The following PHACTR1 variants were observed in gnomAD, a reference collection of about 807,000 sequenced individuals.
PHACTR1 encodes the protein RPEL repeat containing 1.
In PHACTR1, 16 loss-of-function variants were observed where a neutral mutation model predicts 69.2. That is an observed-to-expected ratio of 0.23 (90% CI 0.16 to 0.35). PHACTR1 has a LOEUF of 0.35. Ranked by LOEUF, PHACTR1 falls within the 10% of genes least tolerant of loss-of-function variation. The pLI, the probability that PHACTR1 is intolerant of heterozygous loss-of-function variation, is 1.00. For synonymous variants in PHACTR1, 312 were observed against 284.5 expected (o/e 1.10, Z -0.97); for missense variants, 510 against 734.7 (o/e 0.69, Z 3.54).
chr6:12,803,606 A>G (rs542329142), intron 4 of PHACTR1, among the ~76,000 whole-genome samples: 65 of 152,364 alleles, frequency 4.3e-4, no homozygotes, highest in Non-Finnish European at 8.5e-4. Context: ...TTCTTACCAA[A>G]CAAAGCCACA....
At chr6:12,746,157 T>C (rs1765760962) in intron 3 of PHACTR1, among the ~76,000 whole-genome samples, 1 of 151,852 alleles carries the variant, frequency 6.6e-6, no homozygotes, top group South Asian at 2.1e-4. Context: ...AAAAAGAGAA[T>C]AGAAAAAATT....
At chr6:13,022,414 G>A (rs942419800) in intron 4 of PHACTR1, among the ~76,000 whole-genome samples, 2 of 152,198 alleles carry the variant, frequency 1.3e-5, no homozygotes, top group Non-Finnish European at 2.9e-5. Flanking sequence ...ATGTTTGTAG[G>A]TTGAGAATGT....
chr6:13,071,254 C>T (rs1039987936), intron 5 of PHACTR1, among the ~76,000 whole-genome samples: 1 of 151,956 alleles, frequency 6.6e-6, no homozygotes, highest in African/African-American at 2.4e-5. Context: ...TGGTAAAACC[C>T]CATCTCTACT....
chr6:13,003,797 G>T (rs1176625370), intron 4 of PHACTR1, among the ~76,000 whole-genome samples: 1 of 151,032 alleles, frequency 6.6e-6, no homozygotes, highest in Non-Finnish European at 1.5e-5. Context: ...CATGTCCACG[G>T]GTACCCACTG....
intron 5 of PHACTR1, among the ~76,000 whole-genome samples, chr6:13,125,874 G>A (rs1425494827): frequency 6.6e-6 from 1 of 151,930 alleles, no homozygotes; most frequent in African/African-American, 2.4e-5. Context: ...AGGCTGCAGT[G>A]AGCCATGATC....
chr6:12,853,187 T>TA (rs1779999478), intron 4 of PHACTR1, among the ~76,000 whole-genome samples: 1 of 152,154 alleles, frequency 6.6e-6, no homozygotes, highest in African/African-American at 2.4e-5. Flanking sequence ...TAAAATTGGA[T>TA]AAAAAACAAT....
At chr6:13,209,455 C>T (rs1479746353) in intron 8 of PHACTR1, among the ~76,000 whole-genome samples, 3 of 152,168 alleles carry the variant, frequency 2.0e-5, no homozygotes, top group East Asian at 3.8e-4. Context: ...TTCCTTGGAC[C>T]GACCCCCTGT....
chr6:13,052,770 T>G (rs1357951958), intron 4 of PHACTR1, among the ~76,000 whole-genome samples: 1 of 152,132 alleles, frequency 6.6e-6, no homozygotes, highest in Non-Finnish European at 1.5e-5. Context: ...TTAAGACAAT[T>G]GTAAATTCTA....
chr6:13,227,027 C>T (rs1176335249), intron 8 of PHACTR1, among the ~76,000 whole-genome samples: 4 of 151,816 alleles, frequency 2.6e-5, no homozygotes, highest in African/African-American at 9.7e-5. Flanking sequence ...TGAGCCACCA[C>T]GCCCAGCAGT....
chr6:12,933,813 C>A, intron 4 of PHACTR1: 1 of 1,612,812 alleles, frequency 6.2e-7, no homozygotes, highest in Non-Finnish European at 8.5e-7. Context: ...CAATTCTCTA[C>A]TCAGGGTATG....
intron 4 of PHACTR1, among the ~76,000 whole-genome samples, chr6:12,797,425 C>T (rs918008099): frequency 6.6e-6 from 1 of 152,204 alleles, no homozygotes; most frequent in African/African-American, 2.4e-5. Flanking sequence ...ATTGCAGTGG[C>T]TCTACCTATG....
intron 5 of PHACTR1, among the ~76,000 whole-genome samples, chr6:13,056,967 C>G (rs1408141654): frequency 6.6e-6 from 1 of 151,944 alleles, no homozygotes. Context: ...ACATGGAAGG[C>G]CAAAGTCAGG....
At chr6:13,268,726 C>T (rs1777169850) in intron 10 of PHACTR1, among the ~76,000 whole-genome samples, 1 of 152,210 alleles carries the variant, frequency 6.6e-6, no homozygotes. Context: ...TTTGTCCTTA[C>T]AATGCCACCA....
chr6:13,092,137 C>T (rs180967692), intron 5 of PHACTR1, among the ~76,000 whole-genome samples: 4 of 152,266 alleles, frequency 2.6e-5, no homozygotes, highest in Admixed American at 1.3e-4. Context: ...ACTGATCTGA[C>T]AGGAGACGGA....
At chr6:12,870,098 C>T (rs1359211021) in intron 4 of PHACTR1, among the ~76,000 whole-genome samples, 1 of 151,074 alleles carries the variant, frequency 6.6e-6, no homozygotes, top group African/African-American at 2.4e-5. Context: ...GCTGAATGAT[C>T]ACTGTGGATG....
chr6:12,976,004 G>C (rs567692920), intron 4 of PHACTR1, among the ~76,000 whole-genome samples: 1 of 152,288 alleles, frequency 6.6e-6, no homozygotes, highest in South Asian at 2.1e-4. Flanking sequence ...GGGGCGGGAG[G>C]AATGGGAAAA....
Position 13,284,808 on chromosome 6 carries a change from T to C in PHACTR1, c.1650+1246T>C, listed in dbSNP as rs573076753. On this transcript the variant is annotated intron_variant, in intron 13 of 14. Transcript: ENST00000332995. Reference sequence around the variant, plus strand: ...TGCAGGAAACATGTATGCAGGCACATTGCTGCACTTGGCTGGGACGGAAGC... The same window carrying C: ...TGCAGGAAACATGTATGCAGGCACACTGCTGCACTTGGCTGGGACGGAAGC... Among the ~76,000 whole-genome samples, 12 of 152,204 alleles carry C rather than the reference T, an allele frequency of 7.9e-5. No individual in the cohort carries two copies. The South Asian group carries it at 2.5e-3, about 32-fold the overall frequency.
intron 4 of PHACTR1, among the ~76,000 whole-genome samples, chr6:12,833,224 A>G (rs900653274): frequency 6.6e-6 from 1 of 151,730 alleles, no homozygotes; most frequent in African/African-American, 2.4e-5. Context: ...TCTTTGATAT[A>G]CTAGATAATC....
chr6:13,220,630 T>C (rs1363529994), intron 8 of PHACTR1, among the ~76,000 whole-genome samples: 1 of 152,182 alleles, frequency 6.6e-6, no homozygotes, highest in East Asian at 1.9e-4. Flanking sequence ...CTTGCTTGCA[T>C]AGATCTCTGT....
Sources: allele counts gnomAD v4.1 joint callset (sites outside exome capture counted in the v4.1 genomes callset), GRCh38; gene constraint gnomAD v4.1.1; transcripts MANE v1.5; gene names NCBI Gene and HGNC (gene_info 2026-07-23, HGNC 2026-07-21).